The following TLL2 variants were observed in gnomAD, a reference collection of about 807,000 sequenced individuals.
TLL2 encodes tolloid-like protein 2.
TLL2 carries 106 observed loss-of-function variants against 123.0 expected under a neutral mutation model. That is an observed-to-expected ratio of 0.86 (90% confidence interval 0.74 to 1.01). The LOEUF is 1.01. Among genes scored for constraint, TLL2 ranks in the 50% least tolerant of loss-of-function variants. The probability of loss-of-function intolerance (pLI) is 0.00; values close to 1 mark genes in which losing one functional copy is unlikely to be tolerated. For synonymous variants in TLL2, 494 were observed against 516.8 expected, an observed-to-expected ratio of 0.96 and a Z score of 0.60; for missense variants, 1,332 against 1,336.7, an observed-to-expected ratio of 1.00 and a Z score of 0.06.
intron 1 of TLL2, among the ~76,000 whole-genome samples, chr10:96,482,099 T>C (rs1049048723): frequency 2.0e-5 from 3 of 151,666 alleles, no homozygotes; most frequent in Admixed American, 6.6e-5. Flanking sequence ...CTATTAAAAA[T>C]AGAAAAAAAT....
At chr10:96,473,821 C>T (rs535087536) in intron 2 of TLL2, among the ~76,000 whole-genome samples, 2 of 152,294 alleles carry the variant, frequency 1.3e-5, no homozygotes, top group South Asian at 4.1e-4. Context: ...ACTTCCTGGA[C>T]TCTTTGGGGA....
chr10:96,378,936 GC>G (rs759641285), intron 17 of TLL2, 30 bp downstream of exon 17: 19 of 1,610,692 alleles, frequency 1.2e-5, no homozygotes, highest in Non-Finnish European at 1.5e-5. Flanking sequence ...AGGGCAGCCC[GC>G]CCCCCCAACA....
chr10:96,391,952 G>A (rs1036837503), intron 13 of TLL2, among the ~76,000 whole-genome samples: 1 of 152,200 alleles, frequency 6.6e-6, no homozygotes, highest in African/African-American at 2.4e-5. Context: ...GTAGGACACT[G>A]GGTAACCTGG....
chr10:96,491,121 C>T (rs1847408185), intron 1 of TLL2, among the ~76,000 whole-genome samples: 1 of 152,134 alleles, frequency 6.6e-6, no homozygotes, highest in African/African-American at 2.4e-5. Flanking sequence ...TGGCTTTCGC[C>T]TATAATCCTA....
At chr10:96,454,057 G>A (rs1846986676) in intron 2 of TLL2, among the ~76,000 whole-genome samples, 1 of 152,078 alleles carries the variant, frequency 6.6e-6, no homozygotes, top group Non-Finnish European at 1.5e-5. Context: ...AGTTGTCAGG[G>A]AAACCTTTTT....
At chr10:96,455,323 C>T (rs1265967126) in intron 2 of TLL2, among the ~76,000 whole-genome samples, 3 of 151,910 alleles carry the variant, frequency 2.0e-5, no homozygotes, top group Non-Finnish European at 4.4e-5. Flanking sequence ...TCCTGTTATC[C>T]CTGGGACAGT....
At chr10:96,430,366 T>C (rs946493449) in intron 4 of TLL2, among the ~76,000 whole-genome samples, 1 of 152,198 alleles carries the variant, frequency 6.6e-6, no homozygotes, top group African/African-American at 2.4e-5. Context: ...TCCTGAGGCC[T>C]CACCAGGAGC....
intron 1 of TLL2, among the ~76,000 whole-genome samples, chr10:96,503,165 C>G (rs2134115340): frequency 6.6e-6 from 1 of 152,192 alleles, no homozygotes; most frequent in African/African-American, 2.4e-5. Flanking sequence ...TATCACTTGC[C>G]ACATGCTATG....
chr10:96,369,527 G>A (rs1173446147), intron 20 of TLL2, among the ~76,000 whole-genome samples: 1 of 152,158 alleles, frequency 6.6e-6, no homozygotes, highest in Non-Finnish European at 1.5e-5. Context: ...TTGGAAGGAC[G>A]AGGCAGGTGG....
At chr10:96,434,077 T>C (rs924425575) in intron 3 of TLL2, among the ~76,000 whole-genome samples, 5 of 152,154 alleles carry the variant, frequency 3.3e-5, no homozygotes, top group African/African-American at 1.2e-4. Context: ...GCCTGGCCAA[T>C]TCTTTTCACT....
rs750448222 is a variant in TLL2, at chr10:96,428,711, G to C, written c.558C>G (p.His186Gln). ...QRAIFKQAMR[H>Q]WEKHTCVTFI... ...AGGTCACACAGGTGTGCTTCTCCCA[G>C]TGTCTCATGGCCTGCTTAAAAATGG... The change falls in exon 5 of 21, where the codon CAC becomes CAG. Residue 186 changes from histidine to glutamine, a missense_variant. By Grantham distance (24) the His-to-Gln change is conservative. Coordinates refer to ENST00000357947, the MANE Select transcript of TLL2 (RefSeq NM_012465.4). The C allele has an allele frequency of 3.6e-5, 58 of 1,613,876 alleles. No homozygotes were observed. The highest frequency in any genetic ancestry group is 4.9e-5 in the Non-Finnish European group (58 of 1,179,958).
At chr10:96,368,462 A>G (rs1233781277) in intron 20 of TLL2, among the ~76,000 whole-genome samples, 1 of 152,222 alleles carries the variant, frequency 6.6e-6, no homozygotes, top group African/African-American at 2.4e-5. Context: ...AGAATCTATT[A>G]TTTATTAAGT....
chr10:96,384,710 G>A lies in TLL2; in HGVS notation c.2071C>T (p.His691Tyr). The change falls in exon 16 of 21, where the codon CAC (histidine) becomes TAC (tyrosine). Residue 691 changes from histidine (H) to tyrosine (Y), a missense_variant. Physicochemically the swap from His to Tyr is moderately conservative, Grantham distance 83. Coordinates refer to ENST00000357947, the MANE Select transcript of TLL2 (RefSeq NM_012465.4). ...GTCTCAGAGCCGCAGAACCTGCCGT[G>A]CAGCTTGGCGTCGGGGGACAGGCCG... ...RSGLSPDAKL[H>Y]GRFCGSETPE... The A allele has an allele frequency of 6.2e-7, 1 of 1,611,796 alleles. No individual in the cohort carries two copies. Among genetic ancestry groups the A allele is most frequent in the East Asian group, 2.2e-5 (1 of 44,764 alleles).
intron 1 of TLL2, among the ~76,000 whole-genome samples, chr10:96,497,379 C>T (rs777279383): frequency 3.9e-5 from 6 of 152,160 alleles, no homozygotes; most frequent in Admixed American, 2.6e-4. Flanking sequence ...GCCTGAACTA[C>T]GACTAACGTT....
At chr10:96,443,057 G>T (rs1846864550) in intron 3 of TLL2, among the ~76,000 whole-genome samples, 1 of 152,174 alleles carries the variant, frequency 6.6e-6, no homozygotes, top group South Asian at 2.1e-4. Flanking sequence ...CAAGTTTATA[G>T]TTGGGTCATT....
At chr10:96,372,048 T>G (rs1271154074) in intron 19 of TLL2, among the ~76,000 whole-genome samples, 1 of 152,138 alleles carries the variant, frequency 6.6e-6, no homozygotes, top group African/African-American at 2.4e-5. Context: ...CTTTATTAAC[T>G]TCTCTCAAAT....
intron 13 of TLL2, among the ~76,000 whole-genome samples, chr10:96,392,398 TA>T (rs961038905): frequency 2.0e-5 from 3 of 149,984 alleles, no homozygotes; most frequent in African/African-American, 4.9e-5. Flanking sequence ...GGACACATAC[TA>T]AAAAAAAATC....
intron 13 of TLL2, among the ~76,000 whole-genome samples, chr10:96,393,036 G>A (rs755579158): frequency 2.0e-5 from 3 of 152,208 alleles, no homozygotes; most frequent in Non-Finnish European, 4.4e-5. Flanking sequence ...GGCCATTACT[G>A]GCTTTGACCA....
In TLL2 at chr10:96,464,091, C is replaced by T. The variant is rs144101261; in HGVS notation, c.286+16258G>A. Among the ~76,000 whole-genome samples the T allele has an allele frequency of 6.6e-5, 10 of 152,244 alleles. No individual in the cohort carries two copies. In the East Asian group the frequency reaches 1.4e-3, roughly 21 times the overall value. On this transcript the variant is annotated intron_variant, in intron 2 of 20. Transcript: ENST00000357947. ...AGAAGCTGCCAGAACAGGCCAGGTA[C>T]GGTGGCTGACACCTGTAATCCCAAC...
Sources: gnomAD v4.1 joint callset for allele counts (sites outside exome capture counted in the v4.1 genomes callset) on GRCh38, gnomAD v4.1.1 for gene constraint, MANE v1.5 for transcripts, NCBI Gene and HGNC (gene_info 2026-07-23, HGNC 2026-07-21) for gene names.